Variants in TRIM14 observed in about 807,000 individuals in gnomAD.
The protein encoded by TRIM14 is tripartite motif containing 14.
TRIM14 carries 28 observed loss-of-function variants against 44.5 expected under a neutral mutation model. That is an observed-to-expected ratio of 0.63 (90% CI 0.47 to 0.86). The LOEUF is 0.86. Among genes scored for constraint, TRIM14 ranks in the 40% least tolerant of loss-of-function variants. TRIM14 has a pLI of 0.00. For synonymous variants in TRIM14, 299 were observed against 269.2 expected (o/e 1.11, Z -1.08); for missense variants, 607 against 611.1 (o/e 0.99, Z 0.07).
intron 6 of TRIM14, chr9:98,075,649 G>A (rs1396660983): frequency 4.6e-5 from 7 of 152,112 alleles, no homozygotes; most frequent in Non-Finnish European, 1.0e-4. Flanking sequence ...TTATTTCTGA[G>A]TCACCATTCA....
At chr9:98,105,345 G>A (rs1371312102) in intron 2 of TRIM14, among the ~76,000 whole-genome samples, 1 of 152,242 alleles carries the variant, frequency 6.6e-6, no homozygotes, top group Non-Finnish European at 1.5e-5. Context: ...CCCGCCGACT[G>A]CATTTTCAGG....
At chr9:98,073,961 T>C (rs1829468159) in intron 6 of TRIM14, among the ~76,000 whole-genome samples, 2 of 152,088 alleles carry the variant, frequency 1.3e-5, no homozygotes, top group African/African-American at 4.8e-5. Context: ...AATTTTTATA[T>C]GTTTTGTAGA....
intron 2 of TRIM14, among the ~76,000 whole-genome samples, chr9:98,102,137 C>G (rs1488607248): frequency 6.6e-6 from 1 of 152,110 alleles, no homozygotes; most frequent in East Asian, 1.9e-4. Flanking sequence ...CACTAGCACT[C>G]AAGCATCCTG....
chr9:98,115,711 A>G (rs1446149490), intron 1 of TRIM14, among the ~76,000 whole-genome samples: 1 of 152,190 alleles, frequency 6.6e-6, no homozygotes, highest in Non-Finnish European at 1.5e-5. Context: ...TTTTATGACA[A>G]TATAGTTATT....
the TRIM14 span, among the ~76,000 whole-genome samples, chr9:98,042,742 C>T: frequency 1.7e-4 from 26 of 151,732 alleles, no homozygotes; most frequent in African/African-American, 6.1e-4. Context: ...TGGTGGTGCG[C>T]ACCTGTAGTA....
chr9:98,062,967 C>T, the TRIM14 span, among the ~76,000 whole-genome samples: 1 of 151,884 alleles, frequency 6.6e-6, no homozygotes, highest in Admixed American at 6.6e-5. Context: ...GATGGAGTCT[C>T]ACTCTGTCAC....
chr9:98,071,524 A>G (rs1829337478), intron 6 of TRIM14, among the ~76,000 whole-genome samples: 1 of 152,252 alleles, frequency 6.6e-6, no homozygotes, highest in African/African-American at 2.4e-5. Context: ...AATATAAAGC[A>G]TAGTACACAA....
the TRIM14 span, among the ~76,000 whole-genome samples, chr9:98,054,647 C>T: frequency 1.3e-5 from 2 of 152,130 alleles, no homozygotes; most frequent in Non-Finnish European, 2.9e-5. Flanking sequence ...GAGATATCTC[C>T]CCAGGACAAT....
At chr9:98,058,897 G>A in the TRIM14 span, among the ~76,000 whole-genome samples, 1 of 152,146 alleles carries the variant, frequency 6.6e-6, no homozygotes, top group African/African-American at 2.4e-5. Context: ...GAGCTCTGTT[G>A]CCCAAGGTCA....
chr9:98,068,262 G>A (rs1829207952), downstream of TRIM14, among the ~76,000 whole-genome samples: 1 of 151,900 alleles, frequency 6.6e-6, no homozygotes, highest in African/African-American at 2.4e-5. Flanking sequence ...AGCCTCCCAG[G>A]TAGCTGGGAT....
chr9:98,081,319 A>G (rs891647082), downstream of TRIM14: 3 of 575,186 alleles, frequency 5.2e-6, no homozygotes, highest in South Asian at 6.2e-5. Flanking sequence ...CTGGCCACCT[A>G]GGGTCACATT....
intron 1 of TRIM14, among the ~76,000 whole-genome samples, chr9:98,114,302 C>T (rs886671031): frequency 6.6e-6 from 1 of 152,032 alleles, no homozygotes; most frequent in Non-Finnish European, 1.5e-5. Flanking sequence ...CATCTTTGAC[C>T]GTGGCTATTC....
chr9:98,038,149 G>A, the TRIM14 span, among the ~76,000 whole-genome samples: 367 of 152,046 alleles, frequency 2.4e-3, 3 homozygotes, highest in African/African-American at 8.5e-3. Flanking sequence ...CTCTTGAGTT[G>A]AAGCTATTCT....
At chr9:98,038,287 A>C in the TRIM14 span, among the ~76,000 whole-genome samples, 1 of 152,048 alleles carries the variant, frequency 6.6e-6, no homozygotes, top group African/African-American at 2.4e-5. Flanking sequence ...CCTGACCTCA[A>C]GTTATCTGCC....
downstream of TRIM14, among the ~76,000 whole-genome samples, chr9:98,080,180 C>T (rs901389511): frequency 6.6e-6 from 1 of 152,168 alleles, no homozygotes; most frequent in African/African-American, 2.4e-5. Context: ...CGCCATTGCA[C>T]TCCAGCCTTG....
At chr9:98,098,479 A>AG (rs968481654) in intron 3 of TRIM14, among the ~76,000 whole-genome samples, 25 of 151,994 alleles carry the variant, frequency 1.6e-4, no homozygotes, top group African/African-American at 5.6e-4. Context: ...TGAGGGGCCG[A>AG]GGGGGGCGGA....
chr9:98,116,512 T>C (rs1244069033), intron 1 of TRIM14, among the ~76,000 whole-genome samples: 1 of 152,056 alleles, frequency 6.6e-6, no homozygotes, highest in African/African-American at 2.4e-5. Flanking sequence ...GGTGAATCCT[T>C]GGTTTGGCTT....
intron 2 of TRIM14, among the ~76,000 whole-genome samples, chr9:98,107,010 A>G (rs919040113): frequency 6.6e-6 from 1 of 152,010 alleles, no homozygotes; most frequent in South Asian, 2.1e-4. Flanking sequence ...AGTTTTTTGT[A>G]GAGATGGTAA....
At chr9:98,080,729 C>A, downstream of TRIM14, 1 of 1,453,432 alleles carries the variant, frequency 6.9e-7, no homozygotes. Flanking sequence ...AGTGGCTAAA[C>A]CGGGGCTCAA....
Sources: gnomAD v4.1 joint callset for allele counts (sites outside exome capture counted in the v4.1 genomes callset) on GRCh38, gnomAD v4.1.1 for gene constraint, MANE v1.5 for transcripts, NCBI Gene and HGNC (gene_info 2026-07-23, HGNC 2026-07-21) for gene names.